Variants in NKAIN3 observed in about 807,000 individuals in gnomAD.
The protein encoded by NKAIN3 is sodium/potassium-transporting ATPase subunit beta-1-interacting protein 3.
In NKAIN3, 25 loss-of-function variants were observed where a neutral mutation model predicts 30.2. The ratio of observed to expected loss-of-function variants is 0.83; its 90% CI spans 0.60 to 1.16. NKAIN3 has a LOEUF of 1.16. Among genes scored for constraint, NKAIN3 ranks in the 50% most tolerant of loss-of-function variants. The pLI, the probability that NKAIN3 is intolerant of heterozygous loss-of-function variation, is 0.00. For synonymous variants in NKAIN3, 91 were observed against 89.6 expected, an observed-to-expected ratio of 1.02 and a Z score of -0.09; for missense variants, 225 against 254.1, an observed-to-expected ratio of 0.89 and a Z score of 0.78.
At chr8:62,484,233 C>T (rs1806829959) in intron 1 of NKAIN3, among the ~76,000 whole-genome samples, 1 of 152,224 alleles carries the variant, frequency 6.6e-6, no homozygotes, top group South Asian at 2.1e-4. Context: ...TCTTAGCAGA[C>T]TCTAGGCTCT....
intron 4 of NKAIN3, among the ~76,000 whole-genome samples, chr8:62,851,083 C>A (rs943831941): frequency 4.0e-5 from 6 of 151,850 alleles, no homozygotes; most frequent in African/African-American, 1.4e-4. Context: ...TCTTCCTACC[C>A]ATGAGCATGG....
At chr8:62,731,072 C>A (rs1044659526) in intron 3 of NKAIN3, among the ~76,000 whole-genome samples, 15 of 152,172 alleles carry the variant, frequency 9.9e-5, no homozygotes, top group Admixed American at 2.6e-4. Flanking sequence ...CTACCCTACA[C>A]TCCCCTTGTT....
At chr8:62,701,807 A>C (rs1160107034) in intron 3 of NKAIN3, among the ~76,000 whole-genome samples, 1 of 152,076 alleles carries the variant, frequency 6.6e-6, no homozygotes, top group Non-Finnish European at 1.5e-5. Flanking sequence ...CTCAGATTTC[A>C]CCTCTTATTT....
At chr8:62,539,099 T>A (rs1808759105) in intron 1 of NKAIN3, among the ~76,000 whole-genome samples, 1 of 152,228 alleles carries the variant, frequency 6.6e-6, no homozygotes, top group Non-Finnish European at 1.5e-5. Flanking sequence ...CCTGATACAC[T>A]ATCTACCAAC....
rs1824058778 is a variant in NKAIN3, at chr8:62,980,836, T to C, written c.*15429T>C. 2 of 152,226 alleles carry C rather than the reference T, an allele frequency of 1.3e-5. No homozygotes were observed. The highest frequency in any genetic ancestry group is 1.9e-4 in the East Asian group (1 of 5,194). 9.4% of individuals were successfully genotyped at this position (152,226 alleles called of 1,614,324 possible). On this transcript the variant is annotated 3_prime_UTR_variant, in exon 7 of 7. Coordinates refer to ENST00000623646, the MANE Select transcript of NKAIN3 (RefSeq NM_001304533.3). ...CAAAGCTCATTAATTCCATTTATTA[T>C]TTTAAGCCACTTGTTTGGTGTTATG...
At chr8:62,293,898 C>A (rs1321799656) in intron 1 of NKAIN3, among the ~76,000 whole-genome samples, 3 of 152,178 alleles carry the variant, frequency 2.0e-5, no homozygotes, top group African/African-American at 7.2e-5. Context: ...GTTCGAGCTT[C>A]CAGGCTACTT....
intron 3 of NKAIN3, among the ~76,000 whole-genome samples, chr8:62,667,714 G>T (rs1813172011): frequency 6.6e-6 from 1 of 151,954 alleles, no homozygotes; most frequent in Admixed American, 6.6e-5. Flanking sequence ...AAATAAATCA[G>T]ATCAGGCCAT....
At chr8:62,363,479 C>G (rs1816627775) in intron 1 of NKAIN3, among the ~76,000 whole-genome samples, 1 of 152,174 alleles carries the variant, frequency 6.6e-6, no homozygotes, top group African/African-American at 2.4e-5. Flanking sequence ...TTCTTTAATG[C>G]TACCCTGATA....
chr8:62,551,348 T>C (rs1809203108), intron 1 of NKAIN3, among the ~76,000 whole-genome samples: 1 of 152,110 alleles, frequency 6.6e-6, no homozygotes, highest in South Asian at 2.1e-4. Flanking sequence ...TTTGTTTTGT[T>C]TTTGGTCTTG....
chr8:62,803,405 A>G (rs1818146325), intron 4 of NKAIN3, among the ~76,000 whole-genome samples: 1 of 152,220 alleles, frequency 6.6e-6, no homozygotes. Flanking sequence ...AGATATTATA[A>G]CAAACTGTCT....
intron 1 of NKAIN3, among the ~76,000 whole-genome samples, chr8:62,364,803 T>C (rs983310425): frequency 6.3e-5 from 7 of 111,784 alleles, no homozygotes; most frequent in Admixed American, 1.4e-4. Context: ...CACTCCAGCC[T>C]GTGTGACAGA....
At chr8:62,743,480 GTTTTACAT>G (rs1815973162) in intron 3 of NKAIN3, among the ~76,000 whole-genome samples, 1 of 152,182 alleles carries the variant, frequency 6.6e-6, no homozygotes, top group African/African-American at 2.4e-5. Context: ...TTCAATCAAA[GTTTTACAT>G]GTCATGGGAG....
chr8:62,820,282 G>A (rs918356035), intron 4 of NKAIN3, among the ~76,000 whole-genome samples: 4 of 152,124 alleles, frequency 2.6e-5, no homozygotes, highest in African/African-American at 7.2e-5. Context: ...GGGAATCAAT[G>A]AGGAACCTTT....
intron 4 of NKAIN3, among the ~76,000 whole-genome samples, chr8:62,851,906 T>C (rs1016760894): frequency 1.3e-5 from 2 of 152,174 alleles, no homozygotes; most frequent in African/African-American, 4.8e-5. Flanking sequence ...GGGATATTGG[T>C]CTAAAATTCT....
chr8:62,300,257 TATTTTTTA>T (rs1308656596), intron 1 of NKAIN3, among the ~76,000 whole-genome samples: 2 of 152,104 alleles, frequency 1.3e-5, no homozygotes, highest in African/African-American at 2.4e-5. Context: ...AACCTAATCA[TATTTTTTA>T]ATTCAACGTA....
intron 3 of NKAIN3, among the ~76,000 whole-genome samples, chr8:62,736,192 A>G (rs1270345016): frequency 6.6e-6 from 1 of 152,200 alleles, no homozygotes; most frequent in African/African-American, 2.4e-5. Flanking sequence ...GGCTTGCCCT[A>G]GGGTCACCTG....
chr8:62,899,286 T>G (rs1467966068), intron 4 of NKAIN3, among the ~76,000 whole-genome samples: 1 of 152,208 alleles, frequency 6.6e-6, no homozygotes. Context: ...CACTGCCATG[T>G]TTGTTTCAGC....
intron 1 of NKAIN3, among the ~76,000 whole-genome samples, chr8:62,298,343 G>T (rs990832635): frequency 6.8e-4 from 103 of 152,016 alleles, no homozygotes; most frequent in African/African-American, 2.0e-3. Flanking sequence ...TAAAATAAAG[G>T]ATCTTTCAAA....
At chr8:62,253,417 A>T (rs984898773) in intron 1 of NKAIN3, among the ~76,000 whole-genome samples, 8 of 152,200 alleles carry the variant, frequency 5.3e-5, no homozygotes, top group Middle Eastern at 3.4e-3. Flanking sequence ...CTCTACAAAA[A>T]ATTTTAGCCA....
Sources: gnomAD v4.1 joint callset for allele counts (sites outside exome capture counted in the v4.1 genomes callset) on GRCh38, gnomAD v4.1.1 for gene constraint, MANE v1.5 for transcripts, NCBI Gene and HGNC (gene_info 2026-07-23, HGNC 2026-07-21) for gene names.